Variants in HSD11B1 observed in about 807,000 individuals in gnomAD.
The protein encoded by HSD11B1 is 11-beta-hydroxysteroid dehydrogenase 1.
A neutral mutation model predicts 22.1 loss-of-function variants in HSD11B1; 15 were observed. The ratio of observed to expected loss-of-function variants is 0.68; its 90% confidence interval spans 0.45 to 1.04. HSD11B1 has a LOEUF of 1.04. Ranked by LOEUF, HSD11B1 falls within the 50% of genes least tolerant of loss-of-function variation. HSD11B1 has a pLI of 0.00. For missense variants in HSD11B1, 281 were observed against 357.6 expected (o/e 0.79, Z 1.73); for synonymous variants, 122 against 125.2 (o/e 0.97, Z 0.17).
At chr1:209,732,294 A>C in intron 4 of HSD11B1, 142 bp from the exon 5 acceptor site, 1 of 874,216 alleles carries the variant, frequency 1.1e-6, no homozygotes, top group Non-Finnish European at 1.9e-6. Flanking sequence ...TCAACACAGC[A>C]GTATAACTTC....
In HSD11B1 at chr1:209,706,961, T is replaced by C. The variant is rs781320092; in HGVS notation, c.350T>C (p.Ile117Thr). Residue 117 changes from isoleucine (I) to threonine (T), a missense_variant, in exon 4 of 6, where the codon ATT becomes ACT. Physicochemically the swap from Ile to Thr is moderately conservative, Grantham distance 89. Transcript: ENST00000367027. This position sits in a 1 kb window ranked among gnomAD's most constrained non-coding sequence, Gnocchi z 4.0. ...GKLMGGLDML[I>T]LNHITNTSLN... is the part of the protein sequence containing the mutation. The stretch of plus-strand genomic sequence containing the variant: ...CTTGCAGGAGGACTAGACATGCTCA[T>C]TCTCAACCACATCACCAACACTTCT... 1 of 1,614,128 alleles carries C rather than the reference T, an allele frequency of 6.2e-7. No homozygotes were observed.
rs114622579 is a variant in HSD11B1, at chr1:209,715,449, C to T, written c.517+8321C>T. Among the ~76,000 whole-genome samples the T allele has an allele frequency of 6.9e-3, 1,047 of 152,092 alleles. 7 individuals carry two copies. Among genetic ancestry groups the T allele is most frequent in the South Asian group, 0.012 (58 of 4,820 alleles). ...CAACAACAACAAACCACCAAGGCTT[C>T]TTAGAGAAATGACTGATTCCAGGGC... On this transcript the variant is annotated intron_variant, in intron 4 of 5. Transcript: ENST00000367027.
chr1:209,719,812 T>C (rs2076954626), intron 4 of HSD11B1, among the ~76,000 whole-genome samples: 1 of 152,244 alleles, frequency 6.6e-6, no homozygotes, highest in South Asian at 2.1e-4. Flanking sequence ...TGATGGACAT[T>C]TGAATTGGTT....
chr1:209,707,060 T>C lies in HSD11B1; in HGVS notation c.449T>C (p.Leu150Pro), dbSNP rs1195450375. The C allele has an allele frequency of 6.2e-7, 1 of 1,613,996 alleles. No homozygotes were observed. Among genetic ancestry groups the C allele is most frequent in the African/African-American group, 1.3e-5 (1 of 74,914 alleles). Residue 150 changes from leucine (L) to proline (P), a missense_variant, in exon 4 of 6, where the codon CTG (leucine) becomes CCG (proline). By Grantham distance (98) the Leu-to-Pro change is moderately conservative (BLOSUM62 -3). Transcript: ENST00000367027. Reference sequence around the variant, plus strand: ...GTCAACTTCCTCAGTTACGTGGTCCTGACTGTAGCTGCCTTGCCCATGCTG... The same window carrying C: ...GTCAACTTCCTCAGTTACGTGGTCCCGACTGTAGCTGCCTTGCCCATGCTG... Reference protein sequence around the residue: ...MEVNFLSYVVLTVAALPMLKQ... With the variant: ...MEVNFLSYVVPTVAALPMLKQ...
intron 1 of HSD11B1, among the ~76,000 whole-genome samples, chr1:209,698,922 C>G (rs926927867): frequency 2.6e-5 from 4 of 152,178 alleles, no homozygotes; most frequent in African/African-American, 9.7e-5. Context: ...CTACCACAAG[C>G]TACACGTGCC....
chr1:209,734,687 G>A lies in HSD11B1; in HGVS notation c.*166G>A, dbSNP rs2077056637. ...GAGTTCCTCTAACATTTGCAAAATG[G>A]AAATGTAATAATAATGAATGTCATG... On this transcript the variant is annotated 3_prime_UTR_variant, in exon 6 of 6. Transcript: ENST00000367027. 1.6e-6 allele frequency: 1 copy of A among 636,006 alleles called. No individual in the cohort carries two copies. The highest frequency in any genetic ancestry group is 1.7e-5 in the South Asian group (1 of 57,472). The allele number at this position is 636,006 out of a possible 1,614,324, so 39.4% of individuals were successfully genotyped here. A position where few individuals can be genotyped will look rare whatever the true frequency, so the allele number is the denominator to read the frequency against.
chr1:209,714,337 C>T (rs1482647142), intron 4 of HSD11B1, among the ~76,000 whole-genome samples: 1 of 152,186 alleles, frequency 6.6e-6, no homozygotes, highest in African/African-American at 2.4e-5. Context: ...TTTACAACTG[C>T]TTGCCTCTGA....
At chr1:209,709,636 T>C (rs1376882553) in intron 4 of HSD11B1, among the ~76,000 whole-genome samples, 1 of 152,164 alleles carries the variant, frequency 6.6e-6, no homozygotes, top group Non-Finnish European at 1.5e-5. Context: ...GAACCACCAT[T>C]CCTAGAGTGC....
chr1:209,695,986 G>A (rs1234171537), intron 1 of HSD11B1, among the ~76,000 whole-genome samples: 1 of 152,326 alleles, frequency 6.6e-6, no homozygotes, highest in East Asian at 1.9e-4. Context: ...GTGAACTGGT[G>A]AATGGATCAA....
chr1:209,725,005 T>C (rs1365675139), intron 4 of HSD11B1, among the ~76,000 whole-genome samples: 1 of 152,226 alleles, frequency 6.6e-6, no homozygotes, highest in Admixed American at 6.5e-5. Context: ...CTAAGGATTT[T>C]CTTTTCATAA....
chr1:209,719,456 A>G (rs1223579106), intron 4 of HSD11B1, among the ~76,000 whole-genome samples: 1 of 152,180 alleles, frequency 6.6e-6, no homozygotes, highest in East Asian at 1.9e-4. Flanking sequence ...TTATTGTTTA[A>G]TGGGTGTAGT....
At chr1:209,691,006 T>G (rs945514694) in intron 1 of HSD11B1, among the ~76,000 whole-genome samples, 9 of 151,866 alleles carry the variant, frequency 5.9e-5, no homozygotes, top group African/African-American at 2.2e-4. Flanking sequence ...AAAACAAAAC[T>G]CATCAAAGAA....
intron 4 of HSD11B1, among the ~76,000 whole-genome samples, chr1:209,723,277 A>T (rs2076979281): frequency 6.6e-6 from 1 of 152,184 alleles, no homozygotes; most frequent in Admixed American, 6.5e-5. Context: ...AGAAACACTC[A>T]GGCTTCCGAC....
In HSD11B1 at chr1:209,731,132, C is replaced by G. The variant is rs2077033384; in HGVS notation, c.518-1304C>G. 3.9e-5 allele frequency among the ~76,000 whole-genome samples: 6 copies of G among 152,222 alleles called. No individual in the cohort carries two copies. The South Asian group carries it at 1.2e-3, about 31-fold the overall frequency. The stretch of plus-strand genomic sequence containing the variant: ...GGGGTTATGCTGGAAAGGAGAGTCA[C>G]AGTGGAGAAACACTGAATCCTATAC... On this transcript the variant is annotated intron_variant, in intron 4 of 5. Transcript: ENST00000367027.
At chr1:209,727,139 C>T (rs1558199223) in intron 4 of HSD11B1, among the ~76,000 whole-genome samples, 1 of 152,200 alleles carries the variant, frequency 6.6e-6, no homozygotes, top group South Asian at 2.1e-4. Context: ...GTAAAAGACA[C>T]AGACAGAAGA....
At chr1:209,714,627 C>T (rs2076919031) in intron 4 of HSD11B1, among the ~76,000 whole-genome samples, 1 of 152,146 alleles carries the variant, frequency 6.6e-6, no homozygotes. Flanking sequence ...AATAAGGATA[C>T]TATTGGCCTT....
chr1:209,731,550 G>A (rs752069633), intron 4 of HSD11B1, among the ~76,000 whole-genome samples: 32 of 152,172 alleles, frequency 2.1e-4, no homozygotes, highest in Non-Finnish European at 4.4e-4. Context: ...AAGACTATAG[G>A]GTCTCAGGTC....
chr1:209,724,868 T>C (rs992820271), intron 4 of HSD11B1, among the ~76,000 whole-genome samples: 2 of 152,226 alleles, frequency 1.3e-5, no homozygotes, highest in Non-Finnish European at 1.5e-5. Context: ...TTTTTCTGCT[T>C]TTTAATTTTT....
intron 4 of HSD11B1, among the ~76,000 whole-genome samples, chr1:209,711,028 T>C (rs1483881516): frequency 1.3e-5 from 2 of 152,224 alleles, no homozygotes; most frequent in Non-Finnish European, 2.9e-5. Flanking sequence ...CATAAGACAG[T>C]GCTCTGTGGG....
Sources: gnomAD v4.1 joint callset for allele counts (sites outside exome capture counted in the v4.1 genomes callset) on GRCh38, gnomAD v4.1.1 for gene constraint, Gnocchi (gnomAD v3.1) non-coding constraint, MANE v1.5 for transcripts, NCBI Gene and HGNC (gene_info 2026-07-23, HGNC 2026-07-21) for gene names.